The following SYT16 variants were observed in gnomAD, a reference collection of about 807,000 sequenced individuals.
SYT16 encodes the protein synaptotagmin 16.
A neutral mutation model predicts 61.4 loss-of-function variants in SYT16; 42 were observed. That is an observed-to-expected ratio of 0.68 (90% CI 0.53 to 0.89). The LOEUF is 0.89. Among genes scored for constraint, SYT16 ranks in the 40% least tolerant of loss-of-function variants. The pLI is 0.00. For missense variants in SYT16, 804 were observed against 807.3 expected (o/e 1.00, Z 0.05); for synonymous variants, 314 against 302.3 (o/e 1.04, Z -0.40).
intron 1 of SYT16, among the ~76,000 whole-genome samples, chr14:61,921,213 G>C (rs951229257): frequency 6.6e-6 from 1 of 152,198 alleles, no homozygotes. Flanking sequence ...CTGAATAAAT[G>C]CTCCTGTTTT....
chr14:61,887,185 G>C (rs1472912257), intron 1 of SYT16, among the ~76,000 whole-genome samples: 1 of 152,216 alleles, frequency 6.6e-6, no homozygotes, highest in Non-Finnish European at 1.5e-5. Flanking sequence ...GTGACAAGGT[G>C]TACTATCAGT....
intron 3 of SYT16, among the ~76,000 whole-genome samples, chr14:62,054,360 G>GTTGTGTTTTTTTTTTTTTTT (rs1411904235): frequency 1.7e-5 from 2 of 118,268 alleles, no homozygotes; most frequent in Admixed American, 8.8e-5. Context: ...AGTGAAGTGA[G>GTTGTGTTTTTTTTTTTTTTT]TTTTTTTTTT....
At chr14:61,919,458 G>A (rs1240206495) in intron 1 of SYT16, among the ~76,000 whole-genome samples, 1 of 152,224 alleles carries the variant, frequency 6.6e-6, no homozygotes, top group Non-Finnish European at 1.5e-5. Flanking sequence ...CAGCAGAATG[G>A]CACTTATTTC....
At chr14:62,003,650 G>A (rs1216785689) in intron 3 of SYT16, among the ~76,000 whole-genome samples, 1 of 152,018 alleles carries the variant, frequency 6.6e-6, no homozygotes, top group Non-Finnish European at 1.5e-5. Flanking sequence ...GGAACATAGA[G>A]TTTATATGCT....
intron 1 of SYT16, among the ~76,000 whole-genome samples, chr14:61,904,838 A>C (rs1594877681): frequency 6.6e-6 from 1 of 152,224 alleles, no homozygotes; most frequent in African/African-American, 2.4e-5. Flanking sequence ...TCATTACTAT[A>C]ATTAGCAGCT....
chr14:62,082,895 C>T (rs1424742796), intron 6 of SYT16, among the ~76,000 whole-genome samples: 1 of 152,140 alleles, frequency 6.6e-6, no homozygotes, highest in African/African-American at 2.4e-5. Flanking sequence ...CAGTTATGTG[C>T]CAGACATTAG....
chr14:61,875,963 G>A (rs2140311051), intron 1 of SYT16, among the ~76,000 whole-genome samples: 1 of 152,298 alleles, frequency 6.6e-6, no homozygotes, highest in African/African-American at 2.4e-5. Context: ...TGCCTTGTTA[G>A]GTTGGGGAAT....
At chr14:61,946,290 A>G (rs2050433383) in intron 1 of SYT16, among the ~76,000 whole-genome samples, 1 of 152,238 alleles carries the variant, frequency 6.6e-6, no homozygotes, top group Non-Finnish European at 1.5e-5. Flanking sequence ...ACACAGAAAC[A>G]GAAAGTCAAA....
intron 1 of SYT16, among the ~76,000 whole-genome samples, chr14:61,835,250 ATTTTTTTT>A (rs11378872): frequency 1.1e-4 from 12 of 110,802 alleles, no homozygotes; most frequent in Non-Finnish European, 1.4e-4. Flanking sequence ...TGAAAGGTGA[ATTTTTTTT>A]TTTTTTTTTT....
At chr14:61,906,735 A>ATCCT (rs1486546776) in intron 1 of SYT16, among the ~76,000 whole-genome samples, 95 of 99,358 alleles carry the variant, frequency 9.6e-4, no homozygotes, top group African/African-American at 3.1e-3. Flanking sequence ...CCATCCATCC[A>ATCCT]TCCATCCATC....
chr14:62,030,959 C>A (rs887815931), intron 3 of SYT16, among the ~76,000 whole-genome samples: 6 of 152,190 alleles, frequency 3.9e-5, no homozygotes, highest in African/African-American at 1.4e-4. Context: ...TTTGAGCCTG[C>A]TAACTTAGCT....
intron 3 of SYT16, among the ~76,000 whole-genome samples, chr14:62,048,028 T>C (rs2055077265): frequency 6.6e-6 from 1 of 152,248 alleles, no homozygotes; most frequent in Admixed American, 6.5e-5. Context: ...TTTCTATTGA[T>C]TGGAATAGTT....
At chr14:62,077,310 T>C (rs1354292098) in intron 5 of SYT16, among the ~76,000 whole-genome samples, 1 of 152,220 alleles carries the variant, frequency 6.6e-6, no homozygotes, top group Non-Finnish European at 1.5e-5. Flanking sequence ...GCCCAGGATA[T>C]TGGAGCTCAA....
chr14:61,836,080 T>C (rs973834247), intron 1 of SYT16, among the ~76,000 whole-genome samples: 1 of 152,214 alleles, frequency 6.6e-6, no homozygotes. Context: ...ATCAGTGTTT[T>C]GATTAGCCCC....
chr14:61,941,363 A>T (rs997831291), intron 1 of SYT16, among the ~76,000 whole-genome samples: 1 of 152,126 alleles, frequency 6.6e-6, no homozygotes, highest in African/African-American at 2.4e-5. Flanking sequence ...AATAATTCAG[A>T]TCTACAACAG....
At chr14:61,853,708 A>C (rs1325132154) in intron 1 of SYT16, among the ~76,000 whole-genome samples, 8 of 152,226 alleles carry the variant, frequency 5.3e-5, no homozygotes, top group African/African-American at 1.9e-4. Context: ...ATTTTGTTAC[A>C]GCAGTCTGAA....
intron 3 of SYT16, among the ~76,000 whole-genome samples, chr14:62,059,656 A>G (rs919001304): frequency 2.8e-4 from 42 of 147,916 alleles, no homozygotes; most frequent in African/African-American, 1.0e-3. Flanking sequence ...TAATTTATAT[A>G]TATGTAATTG....
At chr14:61,936,485 T>A (rs966405923) in intron 1 of SYT16, among the ~76,000 whole-genome samples, 6 of 152,156 alleles carry the variant, frequency 3.9e-5, no homozygotes, top group African/African-American at 1.4e-4. Flanking sequence ...AGTTCACTAA[T>A]CATCAGTGGT....
intron 2 of SYT16, among the ~76,000 whole-genome samples, chr14:61,971,539 G>A (rs1400916551): frequency 6.6e-6 from 1 of 152,186 alleles, no homozygotes; most frequent in Admixed American, 6.5e-5. Flanking sequence ...AGAAAGCAAG[G>A]AGCCACTGCT....
Sources: gnomAD v4.1 joint callset for allele counts (sites outside exome capture counted in the v4.1 genomes callset) on GRCh38, gnomAD v4.1.1 for gene constraint, MANE v1.5 for transcripts, NCBI Gene and HGNC (gene_info 2026-07-23, HGNC 2026-07-21) for gene names.